Variants in ZDHHC21 observed in about 807,000 individuals in gnomAD.
The protein encoded by ZDHHC21 is palmitoyltransferase ZDHHC21.
ZDHHC21 carries 15 observed loss-of-function variants against 34.6 expected under a neutral mutation model. The ratio of observed to expected loss-of-function variants is 0.43; its 90% confidence interval spans 0.29 to 0.67. The LOEUF is 0.67. ZDHHC21 is among the 30% of genes least tolerant of loss of function. The pLI is 0.14. For missense variants in ZDHHC21, 344 were observed against 327.7 expected, an observed-to-expected ratio of 1.05 and a Z score of -0.38; for synonymous variants, 142 against 101.8, an observed-to-expected ratio of 1.40 and a Z score of -2.38.
intron 2 of ZDHHC21, among the ~76,000 whole-genome samples, chr9:14,681,598 G>A (rs1219327789): frequency 6.6e-6 from 1 of 152,096 alleles, no homozygotes; most frequent in African/African-American, 2.4e-5. Flanking sequence ...CAATCTGAGG[G>A]CTGAATTTTG....
intron 7 of ZDHHC21, among the ~76,000 whole-genome samples, chr9:14,642,460 G>C (rs767307098): frequency 2.0e-5 from 3 of 152,002 alleles, no homozygotes; most frequent in Non-Finnish European, 4.4e-5. Context: ...GCTCAATTAG[G>C]TCCCCCAAAA....
At chr9:14,661,417 G>A (rs1228776697) in intron 6 of ZDHHC21, among the ~76,000 whole-genome samples, 2 of 152,150 alleles carry the variant, frequency 1.3e-5, no homozygotes, top group East Asian at 3.8e-4. Context: ...GCATGTATGT[G>A]TATACAAACA....
chr9:14,658,686 T>A (rs1052279883), intron 7 of ZDHHC21, 63 bp downstream of exon 7: 2 of 1,356,414 alleles, frequency 1.5e-6, no homozygotes. Flanking sequence ...TTAGCCAGGA[T>A]GGTCTCGATC....
At chr9:14,636,147 C>T (rs1397117194) in intron 8 of ZDHHC21, among the ~76,000 whole-genome samples, 1 of 152,018 alleles carries the variant, frequency 6.6e-6, no homozygotes, top group Non-Finnish European at 1.5e-5. Context: ...ACAAACATGA[C>T]ACAACAATAT....
At chr9:14,594,410 G>A in the ZDHHC21 span, among the ~76,000 whole-genome samples, 1 of 152,186 alleles carries the variant, frequency 6.6e-6, no homozygotes, top group African/African-American at 2.4e-5. Context: ...ATTACATTAC[G>A]ATCAATTGAT....
chr9:14,603,328 T>C, the ZDHHC21 span, among the ~76,000 whole-genome samples: 1 of 152,156 alleles, frequency 6.6e-6, no homozygotes, highest in Admixed American at 6.5e-5. Flanking sequence ...TACCTCCTAT[T>C]TGAGGTACCA....
chr9:14,595,222 G>A, the ZDHHC21 span, among the ~76,000 whole-genome samples: 5 of 152,112 alleles, frequency 3.3e-5, no homozygotes, highest in Non-Finnish European at 7.4e-5. Flanking sequence ...ATTCAAAGCA[G>A]TATTACTCAT....
chr9:14,634,172 C>A (rs758337303), intron 8 of ZDHHC21, among the ~76,000 whole-genome samples: 7 of 152,214 alleles, frequency 4.6e-5, no homozygotes, highest in Non-Finnish European at 8.8e-5. Context: ...ACCACCACAG[C>A]TGGCACCCAC....
intron 6 of ZDHHC21, among the ~76,000 whole-genome samples, chr9:14,659,466 G>C (rs865874028): frequency 6.6e-5 from 10 of 152,200 alleles, no homozygotes; most frequent in African/African-American, 2.4e-4. Flanking sequence ...CAATACAACA[G>C]TGAACCCTAA....
intron 8 of ZDHHC21, among the ~76,000 whole-genome samples, chr9:14,638,403 T>C (rs184683065): frequency 1.3e-5 from 2 of 151,990 alleles, no homozygotes; most frequent in African/African-American, 4.8e-5. Flanking sequence ...TCAAGATGTA[T>C]TAAAGACTTA....
chr9:14,659,459 T>C (rs1832955987), intron 6 of ZDHHC21, among the ~76,000 whole-genome samples: 1 of 152,160 alleles, frequency 6.6e-6, no homozygotes, highest in Non-Finnish European at 1.5e-5. Flanking sequence ...CTTCCACCAA[T>C]ACAACAGTGA....
chr9:14,678,902 G>A (rs537675344), intron 3 of ZDHHC21, among the ~76,000 whole-genome samples: 1 of 152,112 alleles, frequency 6.6e-6, no homozygotes, highest in South Asian at 2.1e-4. Flanking sequence ...ACAACATACT[G>A]CTGAGTGAAT....
intron 3 of ZDHHC21, among the ~76,000 whole-genome samples, chr9:14,677,012 G>C (rs1403550977): frequency 6.6e-6 from 1 of 151,944 alleles, no homozygotes; most frequent in Non-Finnish European, 1.5e-5. Flanking sequence ...AAAAGTACAT[G>C]AGCCAGCAAA....
chr9:14,589,576 T>C, the ZDHHC21 span: 1 of 152,100 alleles, frequency 6.6e-6, no homozygotes, highest in East Asian at 1.9e-4. Flanking sequence ...TCCAAGACTG[T>C]TGTTGGATAC....
chr9:14,606,404 T>C (rs1234650614), downstream of ZDHHC21, among the ~76,000 whole-genome samples: 1 of 152,210 alleles, frequency 6.6e-6, no homozygotes, highest in African/African-American at 2.4e-5. Flanking sequence ...TAGAGGTCCA[T>C]GTAGGTGTTC....
intron 5 of ZDHHC21, among the ~76,000 whole-genome samples, chr9:14,664,068 G>C (rs919253948): frequency 6.6e-6 from 1 of 152,096 alleles, no homozygotes; most frequent in Non-Finnish European, 1.5e-5. Flanking sequence ...CGCAGAAGAC[G>C]GGTGATTTCT....
At chr9:14,603,114 G>A in the ZDHHC21 span, among the ~76,000 whole-genome samples, 1 of 152,022 alleles carries the variant, frequency 6.6e-6, no homozygotes, top group Non-Finnish European at 1.5e-5. Flanking sequence ...TTTTGAATAT[G>A]TTGATAGCTA....
intron 1 of ZDHHC21, among the ~76,000 whole-genome samples, chr9:14,692,113 C>G (rs1176222672): frequency 1.3e-5 from 2 of 152,096 alleles, no homozygotes; most frequent in African/African-American, 4.8e-5. Flanking sequence ...TATCTTTTTG[C>G]TTTTAAGAGA....
rs1485083829 is a variant in ZDHHC21, at chr9:14,617,370, C to G, written c.*1596G>C. 1 of 151,988 alleles carries G rather than the reference C, an allele frequency of 6.6e-6. No homozygotes were observed. The highest frequency in any genetic ancestry group is 1.5e-5 in the Non-Finnish European group (1 of 67,922). 9.4% of individuals were successfully genotyped at this position (151,988 alleles called of 1,614,324 possible). A position where few individuals can be genotyped will look rare whatever the true frequency, so the allele number is the denominator to read the frequency against. On this transcript the variant is annotated 3_prime_UTR_variant, in exon 10 of 10. Transcript: ENST00000380916. ...CATGAAAAACATGATATTAACATCT[C>G]TGAGAAGAACTTACTCTATTATTTC...
Sources: allele counts gnomAD v4.1 joint callset (sites outside exome capture counted in the v4.1 genomes callset), GRCh38; gene constraint gnomAD v4.1.1; transcripts MANE v1.5; gene names NCBI Gene and HGNC (gene_info 2026-07-23, HGNC 2026-07-21).